Variants in COL22A1 observed in about 807,000 individuals in gnomAD.
COL22A1 encodes collagen type XXII alpha 1 chain.
COL22A1 carries 221 observed loss-of-function variants against 248.9 expected under a neutral mutation model. The ratio of observed to expected loss-of-function variants is 0.89; its 90% CI spans 0.80 to 0.99. The LOEUF is 0.99. Ranked by LOEUF, COL22A1 falls within the 50% of genes least tolerant of loss-of-function variation. The pLI is 0.00. For synonymous variants in COL22A1, 891 were observed against 793.4 expected (o/e 1.12, Z -2.07); for missense variants, 2,240 against 2,179.0 (o/e 1.03, Z -0.56).
At chr8:138,655,146 T>C (rs1194008336) in intron 45 of COL22A1, among the ~76,000 whole-genome samples, 1 of 152,220 alleles carries the variant, frequency 6.6e-6, no homozygotes, top group Non-Finnish European at 1.5e-5. Flanking sequence ...AGGCTTCTTA[T>C]ATGCTGAATA....
intron 23 of COL22A1, among the ~76,000 whole-genome samples, chr8:138,735,926 G>T (rs1831073566): frequency 6.6e-6 from 1 of 152,180 alleles, no homozygotes; most frequent in Non-Finnish European, 1.5e-5. Context: ...CGGGGAATCT[G>T]GTGTGGAGGT....
At chr8:138,731,170 G>A (rs1010341249) in intron 23 of COL22A1, among the ~76,000 whole-genome samples, 5 of 152,038 alleles carry the variant, frequency 3.3e-5, no homozygotes, top group African/African-American at 7.2e-5. Context: ...GTGTGGTGAC[G>A]CATGCCTGTA....
At chr8:138,601,174 G>T (rs183763285) in intron 60 of COL22A1, among the ~76,000 whole-genome samples, 23 of 152,060 alleles carry the variant, frequency 1.5e-4, no homozygotes, top group African/African-American at 5.5e-4. Context: ...GCATTCTCGG[G>T]GGGGAACATC....
intron 41 of COL22A1, among the ~76,000 whole-genome samples, chr8:138,665,445 G>C (rs753610963): frequency 6.6e-6 from 1 of 152,208 alleles, no homozygotes; most frequent in Non-Finnish European, 1.5e-5. Flanking sequence ...CTTTGTCTGG[G>C]ATGCAGGTGT....
At chr8:138,652,412 T>C (rs1168441468) in intron 45 of COL22A1, among the ~76,000 whole-genome samples, 1 of 152,228 alleles carries the variant, frequency 6.6e-6, no homozygotes, top group Non-Finnish European at 1.5e-5. Flanking sequence ...ACATGTGCCA[T>C]TACGGTTTTG....
At chr8:138,870,746 T>C (rs1016543785) in intron 3 of COL22A1, among the ~76,000 whole-genome samples, 2 of 151,652 alleles carry the variant, frequency 1.3e-5, no homozygotes, top group African/African-American at 4.9e-5. Context: ...TGTTTGTGTA[T>C]GTGTGTATGC....
intron 3 of COL22A1, among the ~76,000 whole-genome samples, chr8:138,854,936 G>A (rs1037052663): frequency 2.6e-5 from 4 of 151,340 alleles, no homozygotes; most frequent in African/African-American, 7.4e-5. Flanking sequence ...GATGGCAGTG[G>A]TGATGATGGT....
chr8:138,642,035 C>A (rs1323738358), intron 47 of COL22A1, among the ~76,000 whole-genome samples: 1 of 152,138 alleles, frequency 6.6e-6, no homozygotes, highest in African/African-American at 2.4e-5. Flanking sequence ...ACATTTAACC[C>A]TTCTGTGATG....
Position 138,607,340 on chromosome 8 carries a change from G to A in COL22A1, c.4032+596C>T, listed in dbSNP as rs541397077. Among the ~76,000 whole-genome samples, 16 of 152,272 alleles carry A rather than the reference G, an allele frequency of 1.1e-4. No homozygotes were observed. In the East Asian group the frequency reaches 2.9e-3, roughly 28 times the overall value. On this transcript the variant is annotated intron_variant, in intron 57 of 64. Coordinates refer to ENST00000303045, the MANE Select transcript of COL22A1 (RefSeq NM_152888.3). Reference sequence around the variant, plus strand: ...GATTGGAAGGAGACTAGTGGCCAGAGCTTTTCTCATCCAACCCTAGAACCC... The same window carrying A: ...GATTGGAAGGAGACTAGTGGCCAGAACTTTTCTCATCCAACCCTAGAACCC...
At chr8:138,592,194 T>G (rs1187336560) in intron 63 of COL22A1, among the ~76,000 whole-genome samples, 1 of 152,178 alleles carries the variant, frequency 6.6e-6, no homozygotes, top group Non-Finnish European at 1.5e-5. Flanking sequence ...ACTACAGACA[T>G]GCAGAGGAGA....
chr8:138,639,066 T>C (rs939454910), intron 47 of COL22A1, among the ~76,000 whole-genome samples: 1 of 152,190 alleles, frequency 6.6e-6, no homozygotes, highest in African/African-American at 2.4e-5. Flanking sequence ...CCACATGATA[T>C]CCCATTACAT....
At chr8:138,904,095 C>T (rs1482810960) in intron 1 of COL22A1, among the ~76,000 whole-genome samples, 3 of 152,142 alleles carry the variant, frequency 2.0e-5, no homozygotes, top group East Asian at 1.9e-4. Flanking sequence ...GGAGTTCTTC[C>T]ACTTCAAAAC....
chr8:138,593,516 T>C (rs558371837), intron 63 of COL22A1, among the ~76,000 whole-genome samples: 305 of 152,326 alleles, frequency 2.0e-3, no homozygotes, highest in Middle Eastern at 6.8e-3. Context: ...TCTTCTGACC[T>C]GTTTGCCACT....
chr8:138,675,873 T>C (rs759409329), intron 41 of COL22A1, among the ~76,000 whole-genome samples: 1 of 152,176 alleles, frequency 6.6e-6, no homozygotes, highest in Non-Finnish European at 1.5e-5. Flanking sequence ...ATTTCCATTA[T>C]CTATGGAAAT....
At chr8:138,715,569 TAAAAAAA>T in intron 30 of COL22A1, 106 bp downstream of exon 30, 1 of 58,844 alleles carries the variant, frequency 1.7e-5, no homozygotes, top group Non-Finnish European at 3.6e-5. Context: ...ACTCTCATTT[TAAAAAAA>T]AAAAAAAAAA....
chr8:138,762,588 GCACACA>G (rs5895560), intron 16 of COL22A1, 122 bp from the exon 17 acceptor site: 5 of 551,058 alleles, frequency 9.1e-6, no homozygotes, highest in Non-Finnish European at 9.6e-6. Context: ...AAACGCACGT[GCACACA>G]CACACACACA....
chr8:138,646,254 C>G (rs1255765758), intron 47 of COL22A1, among the ~76,000 whole-genome samples: 1 of 152,166 alleles, frequency 6.6e-6, no homozygotes, highest in Non-Finnish European at 1.5e-5. Flanking sequence ...GTGCCACATC[C>G]TTTTTATGTA....
intron 48 of COL22A1, among the ~76,000 whole-genome samples, 200 bp from the exon 49 acceptor site, chr8:138,635,263 C>A (rs934445466): frequency 2.6e-5 from 4 of 152,040 alleles, no homozygotes; most frequent in Non-Finnish European, 5.9e-5. Flanking sequence ...ACAAACATGT[C>A]CTGAAAGCGG....
intron 59 of COL22A1, 110 bp downstream of exon 59, chr8:138,604,624 G>A: frequency 4.6e-6 from 4 of 865,068 alleles, no homozygotes. Flanking sequence ...AGTGAAGGTA[G>A]AGAGTGTTAA....
Sources: allele counts gnomAD v4.1 joint callset (sites outside exome capture counted in the v4.1 genomes callset), GRCh38; gene constraint gnomAD v4.1.1; transcripts MANE v1.5; gene names NCBI Gene and HGNC (gene_info 2026-07-23, HGNC 2026-07-21).